TBC1D22A: variants seen among roughly 807,000 people sequenced by gnomAD.
TBC1D22A encodes putative GTPase activator.
In TBC1D22A, 38 loss-of-function variants were observed where a neutral mutation model predicts 60.2. The ratio of observed to expected loss-of-function variants is 0.63; its 90% confidence interval spans 0.49 to 0.83. TBC1D22A has a LOEUF of 0.83. TBC1D22A is among the 40% of genes least tolerant of loss of function. The pLI is 0.00. For synonymous variants in TBC1D22A, 302 were observed against 281.7 expected, an observed-to-expected ratio of 1.07 and a Z score of -0.72; for missense variants, 628 against 701.0, an observed-to-expected ratio of 0.90 and a Z score of 1.18.
chr22:46,901,653 T>C (rs1217279282), intron 7 of TBC1D22A, among the ~76,000 whole-genome samples: 1 of 152,224 alleles, frequency 6.6e-6, no homozygotes, highest in Non-Finnish European at 1.5e-5. Context: ...TTTAACCCAA[T>C]TCTAGATTTC....
chr22:47,059,782 A>G (rs2063508394), intron 11 of TBC1D22A, among the ~76,000 whole-genome samples: 1 of 152,166 alleles, frequency 6.6e-6, no homozygotes, highest in Non-Finnish European at 1.5e-5. Context: ...TCTGGCATTT[A>G]GACTTTACGG....
At chr22:46,949,927 G>T (rs1175957700) in intron 8 of TBC1D22A, among the ~76,000 whole-genome samples, 2 of 152,248 alleles carry the variant, frequency 1.3e-5, no homozygotes, top group African/African-American at 4.8e-5. Flanking sequence ...CTGAGCAGGG[G>T]AGGGCTGTGC....
intron 8 of TBC1D22A, among the ~76,000 whole-genome samples, chr22:46,924,951 C>T (rs902072246): frequency 3.3e-5 from 5 of 152,076 alleles, no homozygotes; most frequent in East Asian, 1.9e-4. Flanking sequence ...AGAGGATGAA[C>T]GCAGAGAACA....
chr22:47,133,884 C>T (rs951931236), intron 12 of TBC1D22A, among the ~76,000 whole-genome samples: 4 of 152,322 alleles, frequency 2.6e-5, no homozygotes, highest in East Asian at 3.9e-4. Context: ...CTTCCGTGGG[C>T]TGTCTCTCTC....
intron 12 of TBC1D22A, among the ~76,000 whole-genome samples, chr22:47,142,619 A>T (rs2067145439): frequency 1.7e-5 from 2 of 116,738 alleles, no homozygotes; most frequent in Non-Finnish European, 3.4e-5. Context: ...CCATCTGCAC[A>T]TCCATCCATT....
At chr22:47,043,092 C>T (rs2062904459) in intron 11 of TBC1D22A, among the ~76,000 whole-genome samples, 1 of 152,220 alleles carries the variant, frequency 6.6e-6, no homozygotes, top group Non-Finnish European at 1.5e-5. Flanking sequence ...GGCCTGCTGT[C>T]GAGGGCTCTT....
chr22:46,836,372 T>C (rs2086520978), intron 4 of TBC1D22A, among the ~76,000 whole-genome samples: 1 of 152,250 alleles, frequency 6.6e-6, no homozygotes, highest in South Asian at 2.1e-4. Flanking sequence ...AGTTTTTGTG[T>C]GCGATTGATG....
chr22:46,928,357 C>T (rs547294040), intron 8 of TBC1D22A, among the ~76,000 whole-genome samples: 12 of 152,290 alleles, frequency 7.9e-5, no homozygotes, highest in South Asian at 4.1e-4. Context: ...AGTCCTGGGA[C>T]GGTTATTAGA....
intron 9 of TBC1D22A, among the ~76,000 whole-genome samples, chr22:46,977,672 A>G (rs2074355997): frequency 6.6e-6 from 1 of 152,208 alleles, no homozygotes; most frequent in Admixed American, 6.5e-5. Flanking sequence ...TCACAGTTCC[A>G]CAAGCTGTAC....
At chr22:47,145,330 T>G (rs576513884) in intron 12 of TBC1D22A, among the ~76,000 whole-genome samples, 383 of 152,254 alleles carry the variant, frequency 2.5e-3, no homozygotes, top group African/African-American at 8.9e-3. Context: ...TGGCTGGTGT[T>G]GGAGGGAGTC....
At chr22:46,897,516 A>G (rs182500010) in intron 7 of TBC1D22A, among the ~76,000 whole-genome samples, 158 of 152,132 alleles carry the variant, frequency 1.0e-3, no homozygotes, top group African/African-American at 3.4e-3. Context: ...GGAGGGGACC[A>G]ATCAGAGGTA....
At chr22:46,978,141 C>T (rs1226007785) in intron 9 of TBC1D22A, among the ~76,000 whole-genome samples, 2 of 152,200 alleles carry the variant, frequency 1.3e-5, no homozygotes, top group South Asian at 2.1e-4. Context: ...TCACAGAAGC[C>T]AGTCCTGCTC....
chr22:46,943,473 A>G (rs549903651), intron 8 of TBC1D22A, among the ~76,000 whole-genome samples: 2 of 152,388 alleles, frequency 1.3e-5, no homozygotes, highest in South Asian at 2.1e-4. Context: ...AGCACAGAGT[A>G]GCGGCATGGG....
chr22:46,897,993 C>T (rs1335256675), intron 7 of TBC1D22A, among the ~76,000 whole-genome samples: 3 of 152,082 alleles, frequency 2.0e-5, no homozygotes, highest in African/African-American at 7.2e-5. Context: ...CAGAAGTAGT[C>T]ATTTTGAGAC....
chr22:47,164,593 C>T (rs1201977341), intron 12 of TBC1D22A, among the ~76,000 whole-genome samples: 1 of 152,214 alleles, frequency 6.6e-6, no homozygotes, highest in Non-Finnish European at 1.5e-5. Flanking sequence ...GGGCCTGTTT[C>T]CTAAGGCTGA....
chr22:46,915,456 C>CTCA (rs1167685232), intron 8 of TBC1D22A: 1 of 456,672 alleles, frequency 2.2e-6, no homozygotes, highest in African/African-American at 2.0e-5. Context: ...GTCCTTGGGC[C>CTCA]TCAGCGTTCA....
At chr22:46,803,150 C>T (rs1010076224) in intron 4 of TBC1D22A, among the ~76,000 whole-genome samples, 3 of 151,980 alleles carry the variant, frequency 2.0e-5, no homozygotes, top group African/African-American at 4.8e-5. Context: ...GTGTTATCAG[C>T]CACCAAAAGA....
At chr22:46,963,950 A>G (rs551457751) in intron 8 of TBC1D22A, among the ~76,000 whole-genome samples, 2 of 152,356 alleles carry the variant, frequency 1.3e-5, no homozygotes, top group East Asian at 3.9e-4. Context: ...TCTTGGGTCC[A>G]GCAGGAGCGA....
At chr22:46,883,675 G>A (rs767048927) in intron 5 of TBC1D22A, among the ~76,000 whole-genome samples, 15 of 152,132 alleles carry the variant, frequency 9.9e-5, no homozygotes, top group Non-Finnish European at 1.9e-4. Context: ...CCTACACCAC[G>A]GCCTAGCTGA....
Sources: allele counts gnomAD v4.1 joint callset (sites outside exome capture counted in the v4.1 genomes callset), GRCh38; gene constraint gnomAD v4.1.1; transcripts MANE v1.5; gene names NCBI Gene and HGNC (gene_info 2026-07-23, HGNC 2026-07-21).